PPM1K: variants seen among roughly 807,000 people sequenced by gnomAD.
PPM1K encodes the protein protein phosphatase Mn(2+)-dependent 1K.
In PPM1K, 19 loss-of-function variants were observed where a neutral mutation model predicts 32.6. The observed-to-expected ratio is 0.58, with a 90% CI of 0.41 to 0.86. PPM1K has a LOEUF of 0.86. PPM1K is among the 40% of genes least tolerant of loss of function. The pLI is 0.00. For synonymous variants in PPM1K, 159 were observed against 165.3 expected, an observed-to-expected ratio of 0.96 and a Z score of 0.29; for missense variants, 362 against 461.2, an observed-to-expected ratio of 0.78 and a Z score of 1.97.
intron 3 of PPM1K, chr4:88,276,644 C>T (rs894527506): frequency 2.3e-5 from 23 of 984,714 alleles, no homozygotes; most frequent in African/African-American, 3.5e-5. Context: ...TCTAGTTATA[C>T]AAATTAGTGC....
chr4:88,269,486 T>G (rs1560487388), intron 3 of PPM1K, among the ~76,000 whole-genome samples: 1 of 152,196 alleles, frequency 6.6e-6, no homozygotes, highest in Non-Finnish European at 1.5e-5. Context: ...TTTATAAATG[T>G]TCACCAAAAA....
chr4:88,280,461 G>A lies in PPM1K; in HGVS notation c.-59-1819C>T, dbSNP rs181109283. On this transcript the variant is annotated intron_variant, in intron 1 of 6. Coordinates refer to ENST00000608933, the MANE Select transcript of PPM1K (RefSeq NM_152542.5). ...AGAGTGGCAGAGACACAGCATCTCT[G>A]GTTATCAAAGAGAATTAACATGGCC... Among the ~76,000 whole-genome samples, 8 of 152,246 alleles carry A rather than the reference G, an allele frequency of 5.3e-5. No individual in the cohort carries two copies. The East Asian group carries it at 1.5e-3, about 29-fold the overall frequency.
intron 6 of PPM1K, among the ~76,000 whole-genome samples, chr4:88,264,415 C>T (rs548422805): frequency 1.5e-4 from 23 of 152,322 alleles, no homozygotes; most frequent in Non-Finnish European, 2.8e-4. Context: ...TTATCTTCTC[C>T]ACACACCCAT....
chr4:88,258,677 T>G lies in PPM1K; in HGVS notation c.*3918A>C. 1 of 152,066 alleles carries G rather than the reference T, an allele frequency of 6.6e-6. No individual in the cohort carries two copies. Among genetic ancestry groups the G allele is most frequent in the Non-Finnish European group, 1.5e-5 (1 of 68,030 alleles). 9.4% of individuals were successfully genotyped at this position (152,066 alleles called of 1,614,324 possible). ...TAGATTATGTGCTAATAATTCTCTT[T>G]TAAGTGTTGGAACAGGGGAAAGTTC... On this transcript the variant is annotated 3_prime_UTR_variant, in exon 7 of 7. Coordinates refer to ENST00000608933, the MANE Select transcript of PPM1K (RefSeq NM_152542.5).
At position 88,268,197 on chromosome 4, in the gene PPM1K, C is replaced by T; in HGVS notation, c.845G>A (p.Arg282Lys). ...SGVIAEPETKRIKLHHADDSF... is the reference protein window; with the variant it reads ...SGVIAEPETKKIKLHHADDSF... Reference sequence around the variant, plus strand: ...TTGCAGGTCCTTTCTTACCTTAATCCTCTTAGTTTCAGGTTCTGCTATGAC... The same window carrying T: ...TTGCAGGTCCTTTCTTACCTTAATCTTCTTAGTTTCAGGTTCTGCTATGAC... The change falls in exon 5 of 7, where the codon AGG becomes AAG. Residue 282 changes from arginine (R) to lysine (K), a missense_variant. Arg to Lys is a conservative substitution (Grantham distance 26, BLOSUM62 2). Coordinates refer to ENST00000608933, the MANE Select transcript of PPM1K (RefSeq NM_152542.5). The T allele has an allele frequency of 6.2e-7, 1 of 1,614,058 alleles. No individual in the cohort carries two copies.
In PPM1K at chr4:88,278,239, C is replaced by A. The variant is rs1401385994; in HGVS notation, c.345G>T (p.Gln115His). 6.2e-7 allele frequency: 1 copy of A among 1,614,120 alleles called. No homozygotes were observed. The highest frequency in any genetic ancestry group is 1.3e-5 in the African/African-American group (1 of 75,060). The change falls in exon 2 of 7, where the codon CAG (glutamine) becomes CAT (histidine). Residue 115 changes from glutamine to histidine, a missense_variant. Gln to His is a conservative substitution (Grantham distance 24). Coordinates refer to ENST00000608933, the MANE Select transcript of PPM1K (RefSeq NM_152542.5). This position sits in a 1 kb window ranked among gnomAD's most constrained non-coding sequence, Gnocchi z 4.2. ...CAAAGTACAGGACCTCATCTGTCAG[C>A]TGAGCGAAGTCAAACCGATCTTCAT... ...KENEDRFDFA[Q>H]LTDEVLYFAV...
chr4:88,277,269 T>A, intron 2 of PPM1K, 26 bp from the exon 3 acceptor site: 1 of 1,474,588 alleles, frequency 6.8e-7, no homozygotes, highest in Non-Finnish European at 9.5e-7. Flanking sequence ...AAAAAGAGCC[T>A]TAAACAATCA....
chr4:88,281,203 T>C (rs1453973476), intron 1 of PPM1K, among the ~76,000 whole-genome samples: 1 of 152,248 alleles, frequency 6.6e-6, no homozygotes, highest in Non-Finnish European at 1.5e-5. Context: ...TACTATTCTT[T>C]TGGCTTCGGT....
chr4:88,278,883 T>G lies in PPM1K; in HGVS notation c.-59-241A>C. 1 of 322,262 alleles carries G rather than the reference T, an allele frequency of 3.1e-6. No individual in the cohort carries two copies. Among genetic ancestry groups the G allele is most frequent in the Non-Finnish European group, 5.8e-6 (1 of 173,550 alleles). 20.0% of individuals were successfully genotyped at this position (322,262 alleles called of 1,614,324 possible). A position where few individuals can be genotyped will look rare whatever the true frequency, so the allele number is the denominator to read the frequency against. On this transcript the variant is annotated intron_variant, in intron 1 of 6. Coordinates refer to ENST00000608933, the MANE Select transcript of PPM1K (RefSeq NM_152542.5). The surrounding 1 kb of genome is among the most constrained non-coding windows in gnomAD (Gnocchi z 4.2). ...CAGTGGATCAAAAATGAATCGATTT[T>G]CCTACCGCATTCACAGCATTTAAAT...
chr4:88,277,479 C>A, intron 2 of PPM1K: 1 of 444,482 alleles, frequency 2.2e-6, no homozygotes, highest in Non-Finnish European at 4.1e-6. Flanking sequence ...AAGAATTGAT[C>A]CTCACTACCA....
At chr4:88,277,505 G>A (rs1015348474) in intron 2 of PPM1K, 9 of 365,994 alleles carry the variant, frequency 2.5e-5, no homozygotes, top group African/African-American at 1.4e-4. Context: ...CTGAGAGGTC[G>A]AGAGTTCCTT....
In PPM1K at chr4:88,258,304, C is replaced by T. The variant is rs1245150475; in HGVS notation, c.*4291G>A. The T allele has an allele frequency of 4.0e-5, 6 of 151,838 alleles. No homozygotes were observed. Among genetic ancestry groups the T allele is most frequent in the African/African-American group, 1.5e-4 (6 of 41,328 alleles). The allele number at this position is 151,838 out of a possible 1,614,324, so 9.4% of individuals were successfully genotyped here. ...GATGAGTAGGCCTACTCATTCTCTA[C>T]CAAAATCCTAAAAAAAATAAAAATA... On this transcript the variant is annotated 3_prime_UTR_variant, in exon 7 of 7. Transcript: ENST00000608933.
chr4:88,266,392 T>TG (rs1466014639), intron 5 of PPM1K, among the ~76,000 whole-genome samples: 3 of 151,974 alleles, frequency 2.0e-5, no homozygotes, highest in African/African-American at 7.2e-5. Context: ...GCTGGCTGAT[T>TG]GGGTGCAGGT....
Position 88,262,699 on chromosome 4 carries a change from T to G in PPM1K, c.1015A>C (p.Ser339Arg). 1 of 1,614,040 alleles carries G rather than the reference T, an allele frequency of 6.2e-7. No homozygotes were observed. The highest frequency in any genetic ancestry group is 8.5e-7 in the Non-Finnish European group (1 of 1,179,954). Residue 339 changes from serine (S) to arginine (R), a missense_variant, in exon 7 of 7, where the codon AGT becomes CGT. Physicochemically the swap from Ser to Arg is moderately radical, Grantham distance 110. Transcript: ENST00000608933. Reference protein sequence around the residue: ...QAIQYGTEDNSTAVVVPFGAW... With the variant: ...QAIQYGTEDNRTAVVVPFGAW... ...CCAAAAGGCACTACTACTGCAGTAC[T>G]GTTATCCTCAGTACCGTACTGTATT...
In PPM1K at chr4:88,278,038, A is replaced by G. The variant is rs990768721; in HGVS notation, c.440+106T>C. On this transcript the variant is annotated intron_variant, in intron 2 of 6. Transcript: ENST00000608933. This position sits in a 1 kb window ranked among gnomAD's most constrained non-coding sequence, Gnocchi z 4.2. ...CTCATTCGTGAAGCAGCAGCATGCA[A>G]CCACTCAAGTAACTATGTTTACGCT... 1.9e-5 allele frequency: 16 copies of G among 860,972 alleles called. No homozygotes were observed. Among genetic ancestry groups the G allele is most frequent in the African/African-American group, 3.4e-5 (2 of 58,886 alleles). 53.3% of individuals were successfully genotyped at this position (860,972 alleles called of 1,614,324 possible).
chr4:88,262,695 G>GTACTGT lies in PPM1K; in HGVS notation c.1013_1018dup (p.Asn338_Ser339dup). The GTACTGT allele has an allele frequency of 6.2e-7, 1 of 1,614,080 alleles. No homozygotes were observed. The highest frequency in any genetic ancestry group is 1.1e-5 in the South Asian group (1 of 91,084). The stretch of plus-strand genomic sequence containing the variant: ...GGCACCAAAAGGCACTACTACTGCA[G>GTACTGT]TACTGTTATCCTCAGTACCGTACTG... On this transcript the variant is annotated inframe_insertion, in exon 7 of 7. Coordinates refer to ENST00000608933, the MANE Select transcript of PPM1K (RefSeq NM_152542.5).
chr4:88,277,058 C>T (rs1043107114), intron 3 of PPM1K, 85 bp downstream of exon 3: 2 of 1,029,828 alleles, frequency 1.9e-6, no homozygotes, highest in South Asian at 1.4e-5. Flanking sequence ...ATCCCCTCCC[C>T]CAAAGGACTT....
intron 1 of PPM1K, chr4:88,283,703 AC>A (rs898252034): frequency 6.6e-6 from 1 of 152,362 alleles, no homozygotes; most frequent in African/African-American, 2.4e-5. Context: ...GCAAAGTAAA[AC>A]CCAAGTCTTC....
rs80014136 is a variant in PPM1K at position 88,263,627 on chromosome 4, G to A, written c.988-901C>T. Among the ~76,000 whole-genome samples the A allele has an allele frequency of 5.2e-3, 788 of 151,586 alleles. 2 individuals are homozygous for A. The highest frequency in any genetic ancestry group is 0.018 in the African/African-American group (743 of 41,346). ...CTAAGTAAAAAAAATATTTTTTTTT[G>A]TACAGACTGGGTCTCGCCATGTTGC... is the stretch of plus-strand genomic sequence containing the variant. On this transcript the variant is annotated intron_variant, in intron 6 of 6. Transcript: ENST00000608933.
Sources: allele counts gnomAD v4.1 joint callset (sites outside exome capture counted in the v4.1 genomes callset), GRCh38; gene constraint gnomAD v4.1.1; non-coding constraint Gnocchi (gnomAD v3.1); transcripts MANE v1.5; gene names NCBI Gene and HGNC (gene_info 2026-07-23, HGNC 2026-07-21).